PTPRD: variants seen among roughly 807,000 people sequenced by gnomAD.
The protein encoded by PTPRD is receptor-type tyrosine-protein phosphatase delta.
In PTPRD, 34 loss-of-function variants were observed where a neutral mutation model predicts 214.5. That is an observed-to-expected ratio of 0.16 (90% CI 0.12 to 0.21). PTPRD has a LOEUF of 0.21. Ranked by LOEUF, PTPRD falls within the 10% of genes least tolerant of loss-of-function variation. The pLI, the probability that PTPRD is intolerant of heterozygous loss-of-function variation, is 1.00. For synonymous variants in PTPRD, 1,128 were observed against 845.7 expected (o/e 1.33, Z -5.79); for missense variants, 2,545 against 2,398.7 (o/e 1.06, Z -1.27).
At chr9:8,520,903 T>C (rs1405880358) in intron 20 of PTPRD, among the ~76,000 whole-genome samples, 1 of 152,178 alleles carries the variant, frequency 6.6e-6, no homozygotes, top group African/African-American at 2.4e-5. Context: ...CATTTATTAA[T>C]GCTCATATTG....
chr9:10,126,070 G>T (rs1196314723), intron 3 of PTPRD, among the ~76,000 whole-genome samples: 2 of 152,076 alleles, frequency 1.3e-5, no homozygotes, highest in Non-Finnish European at 2.9e-5. Flanking sequence ...GCAATATACG[G>T]AAGTTGTATT....
intron 14 of PTPRD, among the ~76,000 whole-genome samples, chr9:8,611,628 C>T (rs1185204715): frequency 6.6e-6 from 1 of 151,762 alleles, no homozygotes; most frequent in Non-Finnish European, 1.5e-5. Context: ...CCACCTGAGC[C>T]TGGAAGGTCT....
At chr9:9,206,147 G>C (rs2099944725) in intron 9 of PTPRD, among the ~76,000 whole-genome samples, 1 of 152,160 alleles carries the variant, frequency 6.6e-6, no homozygotes, top group African/African-American at 2.4e-5. Context: ...AGAACAAGAG[G>C]AGTTTGCTCA....
chr9:9,024,949 C>T (rs148506243), intron 10 of PTPRD, among the ~76,000 whole-genome samples: 1 of 152,040 alleles, frequency 6.6e-6, no homozygotes, highest in Non-Finnish European at 1.5e-5. Context: ...AAAGTGATTA[C>T]AAATAGATGA....
chr9:9,778,841 A>T (rs2098820258), intron 5 of PTPRD, among the ~76,000 whole-genome samples: 1 of 152,106 alleles, frequency 6.6e-6, no homozygotes, highest in Admixed American at 6.6e-5. Context: ...GTCATTGTTC[A>T]CAAAATTAGA....
At chr9:10,574,203 G>GTGTA (rs147806465) in intron 2 of PTPRD, among the ~76,000 whole-genome samples, 8 of 151,804 alleles carry the variant, frequency 5.3e-5, no homozygotes, top group African/African-American at 1.7e-4. Flanking sequence ...ATAGATGTGT[G>GTGTA]TGTGTGTGTG....
chr9:9,823,505 A>G (rs144415154), intron 5 of PTPRD, among the ~76,000 whole-genome samples: 96 of 152,238 alleles, frequency 6.3e-4, no homozygotes, highest in African/African-American at 2.3e-3. Flanking sequence ...GCTAGGGACA[A>G]ATATCCAAAC....
intron 2 of PTPRD, among the ~76,000 whole-genome samples, chr9:10,417,952 A>G (rs1040083721): frequency 6.6e-6 from 1 of 151,920 alleles, no homozygotes; most frequent in Non-Finnish European, 1.5e-5. Context: ...TACACTGTGA[A>G]TATATCATTT....
intron 7 of PTPRD, among the ~76,000 whole-genome samples, chr9:9,709,967 G>C (rs1595761037): frequency 6.6e-6 from 1 of 151,660 alleles, no homozygotes. Context: ...TTATCTTCTA[G>C]TCTGAAGGCG....
At chr9:9,412,564 C>T (rs2075795454) in intron 8 of PTPRD, among the ~76,000 whole-genome samples, 1 of 152,112 alleles carries the variant, frequency 6.6e-6, no homozygotes, top group Non-Finnish European at 1.5e-5. Flanking sequence ...GGCCACTCTC[C>T]TCAAGGCCCT....
intron 10 of PTPRD, among the ~76,000 whole-genome samples, chr9:9,052,659 G>A (rs1005804556): frequency 1.3e-5 from 2 of 152,136 alleles, no homozygotes; most frequent in Non-Finnish European, 2.9e-5. Flanking sequence ...CTGTTACATA[G>A]CGTCTCAACA....
intron 5 of PTPRD, among the ~76,000 whole-genome samples, chr9:9,854,345 T>G (rs1224395013): frequency 6.6e-6 from 1 of 152,108 alleles, no homozygotes; most frequent in Admixed American, 6.6e-5. Context: ...TAATTAGAAT[T>G]TAATCATAGG....
intron 8 of PTPRD, among the ~76,000 whole-genome samples, chr9:9,466,534 T>C (rs1190665033): frequency 6.6e-6 from 1 of 152,164 alleles, no homozygotes; most frequent in Admixed American, 6.5e-5. Flanking sequence ...ATTATTTTCA[T>C]TTAATTAAGG....
At position 9,989,478 on chromosome 9, in the gene PTPRD, G is replaced by A. The variant is rs540123479; in HGVS notation, c.-472+44240C>T. The stretch of plus-strand genomic sequence containing the variant: ...CTTCAGAGGGATGGCTTGATGGCAG[G>A]ACTTTGGAGAAGAGTTCAGCCTGGG... On this transcript the variant is annotated intron_variant, in intron 4 of 45. Coordinates refer to ENST00000381196, the MANE Select transcript of PTPRD (RefSeq NM_002839.4). Among the ~76,000 whole-genome samples, 8 of 152,228 alleles carry A rather than the reference G, an allele frequency of 5.3e-5. No homozygotes were observed. The East Asian group carries it at 1.6e-3, about 30-fold the overall frequency.
At chr9:8,661,324 T>C (rs116611072) in intron 12 of PTPRD, among the ~76,000 whole-genome samples, 3,834 of 152,094 alleles carry the variant, frequency 0.025, 174 homozygotes, top group African/African-American at 0.088. Flanking sequence ...CTAAATTGCA[T>C]TGTCAAGTAT....
intron 7 of PTPRD, among the ~76,000 whole-genome samples, chr9:9,700,778 T>G (rs1196724125): frequency 1.3e-5 from 2 of 152,154 alleles, no homozygotes; most frequent in African/African-American, 4.8e-5. Flanking sequence ...ACTTATCTCC[T>G]ATTTTCATCT....
intron 10 of PTPRD, among the ~76,000 whole-genome samples, chr9:9,128,738 T>A (rs1255323347): frequency 6.6e-6 from 1 of 152,212 alleles, no homozygotes; most frequent in Admixed American, 6.5e-5. Context: ...GGAGTTTAGG[T>A]TTCGTGTAAA....
At chr9:9,340,272 A>T (rs2046262757) in intron 9 of PTPRD, among the ~76,000 whole-genome samples, 1 of 152,200 alleles carries the variant, frequency 6.6e-6, no homozygotes, top group Non-Finnish European at 1.5e-5. Flanking sequence ...AAAGTCCATG[A>T]TACTATGTGC....
chr9:8,511,764 G>A (rs947504801), intron 21 of PTPRD, among the ~76,000 whole-genome samples: 11 of 151,970 alleles, frequency 7.2e-5, no homozygotes, highest in East Asian at 1.9e-4. Context: ...AAGTATGTCC[G>A]CCCTCTTGAT....
Sources: allele counts gnomAD v4.1 joint callset (sites outside exome capture counted in the v4.1 genomes callset), GRCh38; gene constraint gnomAD v4.1.1; transcripts MANE v1.5; gene names NCBI Gene and HGNC (gene_info 2026-07-23, HGNC 2026-07-21).